RNFT2: variants seen among roughly 807,000 people sequenced by gnomAD.
RNFT2 encodes ring finger protein, transmembrane 2, also known as E3 ubiquitin-protein ligase RNFT2.
RNFT2 carries 36 observed loss-of-function variants against 53.0 expected under a neutral mutation model. That is an observed-to-expected ratio of 0.68 (90% confidence interval 0.52 to 0.90). RNFT2 has a LOEUF of 0.90. Ranked by LOEUF, RNFT2 falls within the 40% of genes least tolerant of loss-of-function variation. RNFT2 has a pLI of 0.00. For synonymous variants in RNFT2, 260 were observed against 253.2 expected (o/e 1.03, Z -0.26); for missense variants, 514 against 585.6 (o/e 0.88, Z 1.26).
At chr12:116,744,951 C>T (rs765278262) in intron 3 of RNFT2, among the ~76,000 whole-genome samples, 6 of 152,080 alleles carry the variant, frequency 3.9e-5, no homozygotes, top group Non-Finnish European at 7.3e-5. Context: ...CCTGCCAGGG[C>T]TCTTGCTTTC....
Position 116,852,633 on chromosome 12 carries a change from G to GATC in RNFT2, c.*3189_*3191dup. The GATC allele has an allele frequency of 6.2e-7, 1 of 1,614,010 alleles. No individual in the cohort carries two copies. Among genetic ancestry groups the GATC allele is most frequent in the Non-Finnish European group, 8.5e-7 (1 of 1,179,880 alleles). ...TTCTGCAACTGGTTTTTATCGGAAAGATCATCCTGCCTGCAGATGCTGTTG... is the reference window on the plus strand; with the variant it reads ...TTCTGCAACTGGTTTTTATCGGAAAGATCATCATCCTGCCTGCAGATGCTGTTG... On this transcript the variant is annotated 3_prime_UTR_variant, in exon 11 of 11. Coordinates refer to ENST00000257575, the MANE Select transcript of RNFT2 (RefSeq NM_001382266.1).
chr12:116,841,892 A>AT (rs1877332069), intron 10 of RNFT2, among the ~76,000 whole-genome samples: 1 of 21,014 alleles, frequency 4.8e-5, no homozygotes, highest in Non-Finnish European at 1.1e-4. Context: ...AATATATATA[A>AT]AAATATATAT....
chr12:116,766,011 C>T (rs1047422012), intron 5 of RNFT2, among the ~76,000 whole-genome samples: 1 of 152,172 alleles, frequency 6.6e-6, no homozygotes, highest in Non-Finnish European at 1.5e-5. Flanking sequence ...TTGACTTTTG[C>T]CTGTAATTCC....
chr12:116,743,332 T>C (rs1340291700), intron 3 of RNFT2, among the ~76,000 whole-genome samples: 1 of 147,246 alleles, frequency 6.8e-6, no homozygotes, highest in African/African-American at 2.5e-5. Context: ...AGTAGTACAA[T>C]CTCAGCTCAC....
chr12:116,800,232 C>T (rs567768955), intron 7 of RNFT2, among the ~76,000 whole-genome samples: 2 of 147,528 alleles, frequency 1.4e-5, no homozygotes, highest in East Asian at 4.1e-4. Context: ...CATGGTGGCT[C>T]ATGCCTGTAA....
intron 3 of RNFT2, among the ~76,000 whole-genome samples, chr12:116,746,212 G>C (rs1871887094): frequency 6.6e-6 from 1 of 152,178 alleles, no homozygotes; most frequent in African/African-American, 2.4e-5. Context: ...ACTCTAGCCT[G>C]GGTGACAGAG....
At chr12:116,771,957 G>C (rs1310486451) in intron 6 of RNFT2, among the ~76,000 whole-genome samples, 1 of 152,236 alleles carries the variant, frequency 6.6e-6, no homozygotes, top group East Asian at 1.9e-4. Flanking sequence ...ACGGTCAACA[G>C]TTTCCCTCCT....
intron 7 of RNFT2, among the ~76,000 whole-genome samples, chr12:116,832,130 CAAAAAAA>C (rs138431200): frequency 4.3e-4 from 41 of 95,322 alleles, no homozygotes; most frequent in South Asian, 2.0e-3. Context: ...GACCTTGTCT[CAAAAAAA>C]AAAAAAAAAA....
At chr12:116,802,910 C>G (rs144302629) in intron 7 of RNFT2, among the ~76,000 whole-genome samples, 2 of 151,062 alleles carry the variant, frequency 1.3e-5, no homozygotes, top group East Asian at 3.9e-4. Flanking sequence ...GCCTGGGTGG[C>G]ATGGTGAAAC....
intron 7 of RNFT2, among the ~76,000 whole-genome samples, chr12:116,832,898 C>CTTTTTTTTTTTTTTTTTTTTTTTTT (rs71095601): frequency 1.2e-5 from 1 of 84,766 alleles, no homozygotes. Context: ...AAGTCGTGTT[C>CTTTTTTTTTTTTTTTTTTTTTTTTT]TTTTTTTTTT....
intron 5 of RNFT2, among the ~76,000 whole-genome samples, chr12:116,764,834 A>G (rs534918141): frequency 2.0e-4 from 31 of 152,278 alleles, no homozygotes; most frequent in African/African-American, 7.2e-4. Flanking sequence ...GGAGGTTGCA[A>G]TGAGCTGAGA....
At chr12:116,813,033 G>A (rs1398497093) in intron 7 of RNFT2, among the ~76,000 whole-genome samples, 6 of 152,148 alleles carry the variant, frequency 3.9e-5, no homozygotes, top group Admixed American at 6.5e-5. Context: ...ACGATTCATT[G>A]CAGCCATGAC....
intron 7 of RNFT2, among the ~76,000 whole-genome samples, chr12:116,818,464 G>A (rs941676403): frequency 1.3e-5 from 2 of 152,072 alleles, no homozygotes; most frequent in Non-Finnish European, 2.9e-5. Flanking sequence ...CCTTCCTGTC[G>A]TTCCTGGCTG....
intron 5 of RNFT2, among the ~76,000 whole-genome samples, chr12:116,761,306 G>A (rs1030774120): frequency 7.9e-5 from 12 of 152,070 alleles, no homozygotes; most frequent in African/African-American, 2.9e-4. Flanking sequence ...ACACCACCAC[G>A]CCTAGCTAAT....
At chr12:116,829,706 T>C (rs1009026960) in intron 7 of RNFT2, among the ~76,000 whole-genome samples, 1 of 152,160 alleles carries the variant, frequency 6.6e-6, no homozygotes, top group Non-Finnish European at 1.5e-5. Context: ...GTGATTCTCA[T>C]GTAGCTGGGA....
At chr12:116,740,565 T>G in intron 2 of RNFT2, 44 bp downstream of exon 2, 1 of 1,541,986 alleles carries the variant, frequency 6.5e-7, no homozygotes, top group Non-Finnish European at 8.8e-7. Flanking sequence ...TACTACTTGA[T>G]TAAATGTGAG....
At chr12:116,832,146 A>ATATATATATATGTAT (rs59112507) in intron 7 of RNFT2, among the ~76,000 whole-genome samples, 1 of 71,096 alleles carries the variant, frequency 1.4e-5, no homozygotes, top group African/African-American at 5.1e-5. Context: ...AAAAAAAAAA[A>ATATATATATATGTAT]AAATATATAT....
chr12:116,757,182 C>T (rs1566071840), intron 5 of RNFT2, among the ~76,000 whole-genome samples: 2 of 152,060 alleles, frequency 1.3e-5, no homozygotes, highest in Admixed American at 1.3e-4. Context: ...TCTCCTGTTT[C>T]GTTTCTTAGT....
intron 7 of RNFT2, among the ~76,000 whole-genome samples, chr12:116,819,283 C>A (rs1410786688): frequency 1.3e-5 from 2 of 152,208 alleles, no homozygotes; most frequent in East Asian, 1.9e-4. Flanking sequence ...CTTTGCCCTT[C>A]GCAAACTGAG....
Sources: allele counts gnomAD v4.1 joint callset (sites outside exome capture counted in the v4.1 genomes callset), GRCh38; gene constraint gnomAD v4.1.1; transcripts MANE v1.5; gene names NCBI Gene and HGNC (gene_info 2026-07-23, HGNC 2026-07-21).